Variants in MYO9A observed in about 807,000 individuals in gnomAD.
MYO9A encodes the protein unconventional myosin-IXa.
In MYO9A, 103 loss-of-function variants were observed where a neutral mutation model predicts 293.3. The observed-to-expected ratio is 0.35, with a 90% CI of 0.30 to 0.41. MYO9A has a LOEUF of 0.41. MYO9A is among the 10% of genes least tolerant of loss of function. MYO9A has a pLI of 1.00. For missense variants in MYO9A, 2,685 were observed against 3,033.0 expected, an observed-to-expected ratio of 0.89 and a Z score of 2.69; for synonymous variants, 1,001 against 1,035.7, an observed-to-expected ratio of 0.97 and a Z score of 0.64.
At chr15:72,103,653 T>A (rs1199641184) in intron 1 of MYO9A, among the ~76,000 whole-genome samples, 4 of 102,174 alleles carry the variant, frequency 3.9e-5, no homozygotes, top group African/African-American at 7.0e-5. Context: ...GAAGCAGAAG[T>A]AACAGAAGAA....
At chr15:72,078,244 A>G (rs1015178811) in intron 1 of MYO9A, among the ~76,000 whole-genome samples, 1 of 152,182 alleles carries the variant, frequency 6.6e-6, no homozygotes, top group Non-Finnish European at 1.5e-5. Flanking sequence ...CTGTAATCCT[A>G]GCACTTTGGA....
chr15:72,103,552 G>A (rs1596585878), intron 1 of MYO9A, among the ~76,000 whole-genome samples: 1 of 148,288 alleles, frequency 6.7e-6, no homozygotes, highest in Non-Finnish European at 1.5e-5. Flanking sequence ...CAGAAGCAGT[G>A]GAAGCAGAAG....
chr15:72,004,573 A>G (rs1178752055), intron 8 of MYO9A, among the ~76,000 whole-genome samples: 1 of 152,162 alleles, frequency 6.6e-6, no homozygotes, highest in Non-Finnish European at 1.5e-5. Flanking sequence ...AACAACAAAA[A>G]AAAACCCTAT....
In MYO9A at chr15:71,897,634, T is replaced by C. The variant is rs1478318985; in HGVS notation, c.4869A>G (p.Thr1623=). ...QSSTVKELSK[T]DRMGTQLNVA... ...CATTCAGCTGGGTGCCCATTCTGTC[T>C]GTCTTGGATAATTCCTTGACAGTAC... is the stretch of plus-strand genomic sequence containing the variant. Residue 1623 remains threonine, a synonymous_variant, in exon 25 of 42, where the codon ACA becomes ACG. Transcript: ENST00000356056. 2 of 1,614,076 alleles carry C rather than the reference T, an allele frequency of 1.2e-6. No homozygotes were observed. Among genetic ancestry groups the C allele is most frequent in the African/African-American group, 1.3e-5 (1 of 74,930 alleles).
chr15:71,991,245 A>G lies in MYO9A; in HGVS notation c.1588-8T>C. The G allele has an allele frequency of 6.4e-7, 1 of 1,569,344 alleles. No individual in the cohort carries two copies. Among genetic ancestry groups the G allele is most frequent in the Non-Finnish European group, 8.6e-7 (1 of 1,159,540 alleles). Reference sequence around the variant, plus strand: ...AACACCAATAGACAATGTCTGTAAAACAAGAGAAAGTTTTGATTAAAAGTA... The same window carrying G: ...AACACCAATAGACAATGTCTGTAAAGCAAGAGAAAGTTTTGATTAAAAGTA... On this transcript the variant is annotated splice_polypyrimidine_tract_variant and splice_region_variant and intron_variant, in intron 10 of 41. Coordinates refer to ENST00000356056, the MANE Select transcript of MYO9A (RefSeq NM_006901.4).
Position 71,878,063 on chromosome 15 carries a change from T to G in MYO9A, c.5908A>C (p.Thr1970Pro), listed in dbSNP as rs2056748453. ...FLDEYMNEFKTSDCTATKVPK... is the reference protein window; with the variant it reads ...FLDEYMNEFKPSDCTATKVPK... ...ACCTTTGTGGCTGTGCAATCTGAAGTCTTGAATTCATTCATATATTCATCT... is the reference window on the plus strand; with the variant it reads ...ACCTTTGTGGCTGTGCAATCTGAAGGCTTGAATTCATTCATATATTCATCT... Residue 1970 changes from threonine (T) to proline (P), a missense_variant, in exon 31 of 42, where the codon ACT (threonine) becomes CCT (proline). Physicochemically the swap from Thr to Pro is conservative, Grantham distance 38. Transcript: ENST00000356056. 6.2e-7 allele frequency: 1 copy of G among 1,605,234 alleles called. No individual in the cohort carries two copies.
At chr15:71,999,655 A>G (rs766799058) in intron 9 of MYO9A, among the ~76,000 whole-genome samples, 196 bp downstream of exon 9, 2 of 152,170 alleles carry the variant, frequency 1.3e-5, no homozygotes, top group Non-Finnish European at 2.9e-5. Flanking sequence ...ATGCAAGCCT[A>G]TTTCTCACAA....
chr15:71,898,519 T>G lies in MYO9A; in HGVS notation c.3984A>C (p.Gln1328His). Reference protein sequence around the residue: ...PRGTPDSESSQGSLELLSYEE... With the variant: ...PRGTPDSESSHGSLELLSYEE... ...CATAGCTCAGAAGTTCCAAGCTTCCTTGAGAGCTCTCACTATCAGGTGTAC... is the reference window on the plus strand; with the variant it reads ...CATAGCTCAGAAGTTCCAAGCTTCCGTGAGAGCTCTCACTATCAGGTGTAC... Residue 1328 changes from glutamine (Q) to histidine (H), a missense_variant, in exon 25 of 42, where the codon CAA (glutamine) becomes CAC (histidine). Gln to His is a conservative substitution (Grantham distance 24). Transcript: ENST00000356056. The G allele has an allele frequency of 1.2e-6, 2 of 1,614,052 alleles. No homozygotes were observed. The highest frequency in any genetic ancestry group is 8.5e-7 in the Non-Finnish European group (1 of 1,180,020).
chr15:71,842,729 G>A (rs972731669), intron 39 of MYO9A, among the ~76,000 whole-genome samples: 3 of 151,548 alleles, frequency 2.0e-5, no homozygotes, highest in Non-Finnish European at 2.9e-5. Flanking sequence ...GCGTGGTGGC[G>A]GGCACCTGTA....
At chr15:72,086,730 T>C (rs2150503413) in intron 1 of MYO9A, among the ~76,000 whole-genome samples, 1 of 147,082 alleles carries the variant, frequency 6.8e-6, no homozygotes, top group East Asian at 2.0e-4. Flanking sequence ...GGCTGGTGCA[T>C]ATCCACCGGG....
intron 19 of MYO9A, among the ~76,000 whole-genome samples, chr15:71,912,533 G>A (rs566127771): frequency 6.6e-6 from 1 of 152,304 alleles, no homozygotes; most frequent in South Asian, 2.1e-4. Flanking sequence ...TGGGATTGCA[G>A]GTGTGAGCCA....
intron 18 of MYO9A, among the ~76,000 whole-genome samples, chr15:71,923,573 G>T (rs1596200873): frequency 6.6e-6 from 1 of 152,184 alleles, no homozygotes; most frequent in East Asian, 1.9e-4. Context: ...TTCTATTCAT[G>T]ATTCAATTTT....
intron 32 of MYO9A, among the ~76,000 whole-genome samples, chr15:71,867,285 C>A (rs2056361569): frequency 6.6e-6 from 1 of 151,990 alleles, no homozygotes; most frequent in Non-Finnish European, 1.5e-5. Context: ...AAAAATGTGA[C>A]CACTAAATTA....
chr15:71,913,836 T>G (rs1294295321), intron 19 of MYO9A, among the ~76,000 whole-genome samples: 1 of 152,124 alleles, frequency 6.6e-6, no homozygotes, highest in African/African-American at 2.4e-5. Flanking sequence ...TTGGTCCCAT[T>G]GCTAAAACAT....
chr15:72,078,136 A>G (rs1010494285), intron 1 of MYO9A, among the ~76,000 whole-genome samples: 1 of 152,148 alleles, frequency 6.6e-6, no homozygotes, highest in Non-Finnish European at 1.5e-5. Context: ...AAAACTAAAC[A>G]TACTTTTGCC....
At chr15:71,910,561 T>C (rs1822241176) in intron 19 of MYO9A, among the ~76,000 whole-genome samples, 2 of 152,196 alleles carry the variant, frequency 1.3e-5, no homozygotes, top group African/African-American at 2.4e-5. Flanking sequence ...TGTTTTCCAA[T>C]ATGCTTGTAT....
chr15:71,933,013 A>T (rs1442650748), intron 18 of MYO9A, among the ~76,000 whole-genome samples: 2 of 152,064 alleles, frequency 1.3e-5, no homozygotes, highest in African/African-American at 4.8e-5. Flanking sequence ...AAAAATAAAA[A>T]AATAAAAAAA....
intron 1 of MYO9A, among the ~76,000 whole-genome samples, chr15:72,085,961 A>C (rs1342233475): frequency 6.6e-6 from 1 of 151,968 alleles, no homozygotes; most frequent in Non-Finnish European, 1.5e-5. Flanking sequence ...TGGTATTGGG[A>C]CCCTATTTTG....
At position 71,851,319 on chromosome 15, in the gene MYO9A, G is replaced by A. The variant is rs151292865; in HGVS notation, c.6515C>T (p.Ser2172Phe). 6 of 1,613,838 alleles carry A rather than the reference G, an allele frequency of 3.7e-6. No homozygotes were observed. In the African/African-American group the frequency reaches 8.0e-5, roughly 22 times the overall value. ...ERKETIRGVY[S>F]VIDQLSRTHL... ...AGTTCGGGAGAGTTGATCAATCACA[G>A]AGTATACACCACGGATTGTCTCCTT... The change falls in exon 37 of 42, where the codon TCT becomes TTT. Residue 2172 changes from serine to phenylalanine, a missense_variant. By Grantham distance (155) the Ser-to-Phe change is radical. This residue lies in a region of MYO9A where 238 missense variants were observed against 269.1 expected (regional missense o/e 0.88). Coordinates refer to ENST00000356056, the MANE Select transcript of MYO9A (RefSeq NM_006901.4).
Sources: gnomAD v4.1 joint callset for allele counts (sites outside exome capture counted in the v4.1 genomes callset) on GRCh38, gnomAD v4.1.1 for gene constraint, gnomAD v4.1.1 regional missense constraint, MANE v1.5 for transcripts, NCBI Gene and HGNC (gene_info 2026-07-23, HGNC 2026-07-21) for gene names.